Variants in CNTNAP5 observed in about 807,000 individuals in gnomAD.
CNTNAP5 encodes the protein contactin-associated protein-like 5.
A neutral mutation model predicts 150.2 loss-of-function variants in CNTNAP5; 72 were observed. The ratio of observed to expected loss-of-function variants is 0.48; its 90% CI spans 0.40 to 0.58. CNTNAP5 has a LOEUF of 0.58. Among genes scored for constraint, CNTNAP5 ranks in the 20% least tolerant of loss-of-function variants. The probability of loss-of-function intolerance (pLI) is 0.00; values close to 1 mark genes in which losing one functional copy is unlikely to be tolerated. For missense variants in CNTNAP5, 1,636 were observed against 1,626.2 expected (o/e 1.01, Z -0.10); for synonymous variants, 672 against 619.8 (o/e 1.08, Z -1.25).
chr2:124,445,725 G>A (rs1451006391), intron 5 of CNTNAP5, among the ~76,000 whole-genome samples: 1 of 152,156 alleles, frequency 6.6e-6, no homozygotes, highest in Non-Finnish European at 1.5e-5. Flanking sequence ...CAGCTGTACT[G>A]GAGAAAACAC....
intron 1 of CNTNAP5, among the ~76,000 whole-genome samples, chr2:124,030,961 G>A (rs1681031679): frequency 6.6e-6 from 1 of 152,036 alleles, no homozygotes; most frequent in South Asian, 2.1e-4. Context: ...GACTGGCCCT[G>A]ATCTGGCTCT....
intron 11 of CNTNAP5, among the ~76,000 whole-genome samples, chr2:124,592,425 T>A (rs1910528): frequency 0.44 from 66,076 of 150,942 alleles, 15,020 homozygotes; most frequent in East Asian, 0.8. Context: ...GGACAAATAT[T>A]TATATATAAT....
intron 12 of CNTNAP5, among the ~76,000 whole-genome samples, chr2:124,634,530 G>A (rs576342411): frequency 1.3e-5 from 2 of 152,062 alleles, no homozygotes; most frequent in African/African-American, 2.4e-5. Context: ...TTTAAATGAG[G>A]CACGGTATCA....
chr2:124,887,517 A>T (rs2104744481), intron 21 of CNTNAP5, among the ~76,000 whole-genome samples: 1 of 152,180 alleles, frequency 6.6e-6, no homozygotes, highest in East Asian at 1.9e-4. Context: ...CATCATAGCA[A>T]CCTACCAGAG....
chr2:124,168,233 A>G (rs1684851289), intron 1 of CNTNAP5, among the ~76,000 whole-genome samples: 1 of 152,234 alleles, frequency 6.6e-6, no homozygotes, highest in African/African-American at 2.4e-5. Context: ...ACACTATAGC[A>G]TAGATGGGTA....
chr2:124,423,302 G>T (rs1478666433), intron 4 of CNTNAP5, among the ~76,000 whole-genome samples: 2 of 152,114 alleles, frequency 1.3e-5, no homozygotes, highest in East Asian at 3.9e-4. Flanking sequence ...AGATATTTAG[G>T]CTGCTCACCA....
At chr2:124,622,718 C>T (rs1677643795) in intron 12 of CNTNAP5, among the ~76,000 whole-genome samples, 1 of 152,120 alleles carries the variant, frequency 6.6e-6, no homozygotes, top group African/African-American at 2.4e-5. Context: ...AACCCACACA[C>T]ACTCACACAC....
At chr2:124,599,099 G>A (rs181583487) in intron 11 of CNTNAP5, among the ~76,000 whole-genome samples, 2,090 of 152,190 alleles carry the variant, frequency 0.014, 50 homozygotes, top group African/African-American at 0.048. Flanking sequence ...GAAATCACCC[G>A]TCTTCTGCGT....
At chr2:124,552,071 T>A in intron 10 of CNTNAP5, among the ~76,000 whole-genome samples, 1 of 152,156 alleles carries the variant, frequency 6.6e-6, no homozygotes. Flanking sequence ...TCTTTTAATT[T>A]TTACAAGAGA....
At chr2:124,444,473 T>C (rs1467152656) in intron 5 of CNTNAP5, among the ~76,000 whole-genome samples, 1 of 152,030 alleles carries the variant, frequency 6.6e-6, no homozygotes, top group Non-Finnish European at 1.5e-5. Flanking sequence ...CCTGCGCCTG[T>C]AATCCCAGCT....
intron 3 of CNTNAP5, among the ~76,000 whole-genome samples, chr2:124,353,273 A>G (rs1375767804): frequency 6.8e-6 from 1 of 146,384 alleles, no homozygotes; most frequent in Non-Finnish European, 1.5e-5. Flanking sequence ...TCACTAAAAC[A>G]ACAAAAACAG....
intron 13 of CNTNAP5, among the ~76,000 whole-genome samples, chr2:124,695,755 C>A (rs112483484): frequency 6.6e-6 from 1 of 152,114 alleles, no homozygotes; most frequent in Non-Finnish European, 1.5e-5. Context: ...CAGCTCATAC[C>A]GATGTCCCCA....
intron 14 of CNTNAP5, among the ~76,000 whole-genome samples, chr2:124,762,406 C>G (rs1680977951): frequency 6.6e-6 from 1 of 151,940 alleles, no homozygotes; most frequent in African/African-American, 2.4e-5. Flanking sequence ...TATAAGCTCT[C>G]CAATACAAAA....
intron 3 of CNTNAP5, among the ~76,000 whole-genome samples, chr2:124,281,953 C>A (rs985190332): frequency 6.6e-6 from 1 of 152,118 alleles, no homozygotes; most frequent in Admixed American, 6.6e-5. Context: ...TCTGCAGGCA[C>A]GTTACATCTT....
chr2:124,206,005 A>T (rs1685854214), intron 1 of CNTNAP5, among the ~76,000 whole-genome samples: 1 of 152,170 alleles, frequency 6.6e-6, no homozygotes. Flanking sequence ...GTATATTCTG[A>T]TACACATCTT....
intron 3 of CNTNAP5, among the ~76,000 whole-genome samples, chr2:124,293,750 T>C (rs1281676341): frequency 6.6e-6 from 1 of 152,008 alleles, no homozygotes; most frequent in Admixed American, 6.6e-5. Context: ...TACACCGAGA[T>C]AATCACCATA....
At chr2:124,362,035 G>T (rs1354864564) in intron 3 of CNTNAP5, among the ~76,000 whole-genome samples, 5 of 152,212 alleles carry the variant, frequency 3.3e-5, no homozygotes, top group Non-Finnish European at 7.3e-5. Context: ...AAGCCGGTCC[G>T]AAAAGCGCAA....
chr2:124,617,433 G>T (rs1677515241), intron 12 of CNTNAP5, among the ~76,000 whole-genome samples: 1 of 151,954 alleles, frequency 6.6e-6, no homozygotes. Context: ...TCAATCCTTG[G>T]CACTCCTTCA....
chr2:124,435,086 C>T (rs532589586), intron 5 of CNTNAP5, among the ~76,000 whole-genome samples: 68 of 152,126 alleles, frequency 4.5e-4, no homozygotes, highest in East Asian at 1.7e-3. Context: ...TTGGTTGCTC[C>T]GGGTTATTTT....
Sources: allele counts gnomAD v4.1 joint callset (sites outside exome capture counted in the v4.1 genomes callset), GRCh38; gene constraint gnomAD v4.1.1; transcripts MANE v1.5; gene names NCBI Gene and HGNC (gene_info 2026-07-23, HGNC 2026-07-21).